Variants in MEGF9 observed in about 807,000 individuals in gnomAD.
MEGF9 encodes the protein multiple EGF like domains 9.
MEGF9 carries 6 observed loss-of-function variants against 46.8 expected under a neutral mutation model. That is an observed-to-expected ratio of 0.13 (90% CI 0.07 to 0.25). MEGF9 has a LOEUF of 0.25. Among genes scored for constraint, MEGF9 ranks in the 10% least tolerant of loss-of-function variants. MEGF9 has a pLI of 1.00. For missense variants in MEGF9, 683 were observed against 792.4 expected (o/e 0.86, Z 1.66); for synonymous variants, 302 against 330.7 (o/e 0.91, Z 0.94).
intron 1 of MEGF9, among the ~76,000 whole-genome samples, chr9:120,676,143 A>G (rs1380491839): frequency 6.6e-6 from 1 of 151,928 alleles, no homozygotes; most frequent in Non-Finnish European, 1.5e-5. Context: ...ACAATATTCA[A>G]TTTTCAGCCA....
At chr9:120,615,276 CGTGT>C (rs1056889652) in intron 3 of MEGF9, among the ~76,000 whole-genome samples, 2 of 145,638 alleles carry the variant, frequency 1.4e-5, no homozygotes, top group Non-Finnish European at 3.0e-5. Context: ...TATATGTAAG[CGTGT>C]GTGTGTGCAT....
At chr9:120,652,773 T>C (rs777501535) in intron 2 of MEGF9, among the ~76,000 whole-genome samples, 57 of 152,300 alleles carry the variant, frequency 3.7e-4, no homozygotes, top group South Asian at 8.3e-4. Flanking sequence ...TCTACTCTTC[T>C]AGCTTTTTGA....
chr9:120,614,293 T>A (rs1038000874), intron 3 of MEGF9, among the ~76,000 whole-genome samples: 1 of 152,064 alleles, frequency 6.6e-6, no homozygotes, highest in African/African-American at 2.4e-5. Flanking sequence ...TAAGTGTAAA[T>A]CTCAATTCTT....
At chr9:120,700,174 C>CT (rs1490867253) in intron 1 of MEGF9, among the ~76,000 whole-genome samples, 2 of 152,154 alleles carry the variant, frequency 1.3e-5, no homozygotes, top group African/African-American at 2.4e-5. Flanking sequence ...GTCTGGGAAA[C>CT]TGAGTCATAG....
chr9:120,707,992 C>T lies in MEGF9; in HGVS notation c.601+5766G>A, dbSNP rs10984989. Among the ~76,000 whole-genome samples the T allele has an allele frequency of 0.025, 3,877 of 152,120 alleles. 276 individuals carry two copies. In the East Asian group the frequency reaches 0.29, roughly 11 times the overall value. On this transcript the variant is annotated intron_variant, in intron 1 of 5. Coordinates refer to ENST00000373930, the MANE Select transcript of MEGF9 (RefSeq NM_001080497.3). ...CTTGGGAGGCGGAGGTTGCAGTGAG[C>T]CCAGACGGTGCCACTGCACTCCAGC... is the stretch of plus-strand genomic sequence containing the variant.
intron 4 of MEGF9, among the ~76,000 whole-genome samples, chr9:120,609,392 C>T (rs2043434587): frequency 1.3e-5 from 2 of 152,190 alleles, no homozygotes; most frequent in South Asian, 2.1e-4. Flanking sequence ...TTCCTTGATT[C>T]CCTCAGTTTA....
chr9:120,705,959 G>C (rs1282033756), intron 1 of MEGF9, among the ~76,000 whole-genome samples: 1 of 151,730 alleles, frequency 6.6e-6, no homozygotes, highest in East Asian at 1.9e-4. Context: ...GAAAAAGCAA[G>C]GATTAAAGCT....
rs78636445 is a variant in MEGF9, at chr9:120,651,179, T to C, written c.803+8195A>G. On this transcript the variant is annotated intron_variant, in intron 2 of 5. Coordinates refer to ENST00000373930, the MANE Select transcript of MEGF9 (RefSeq NM_001080497.3). The stretch of plus-strand genomic sequence containing the variant: ...AATTTCTACTACGCCAAAACTAGGA[T>C]TAGTCCTTACAAAGAAGAGTTATTA... 1.2e-4 allele frequency among the ~76,000 whole-genome samples: 18 copies of C among 152,342 alleles called. No individual in the cohort carries two copies. The East Asian group carries it at 3.5e-3, about 29-fold the overall frequency.
intron 1 of MEGF9, among the ~76,000 whole-genome samples, chr9:120,698,315 C>A (rs968791055): frequency 1.3e-5 from 2 of 152,176 alleles, no homozygotes; most frequent in East Asian, 3.8e-4. Context: ...TGGACAATGG[C>A]TGTTTTGGGG....
intron 1 of MEGF9, among the ~76,000 whole-genome samples, chr9:120,700,846 T>C (rs1453051743): frequency 9.2e-5 from 14 of 152,044 alleles, no homozygotes; most frequent in East Asian, 7.7e-4. Flanking sequence ...CTTGGGAGGC[T>C]GAGGTGGGCA....
At position 120,658,110 on chromosome 9, in the gene MEGF9, G is replaced by A. The variant is rs540692803; in HGVS notation, c.803+1264C>T. On this transcript the variant is annotated intron_variant, in intron 2 of 5. Transcript: ENST00000373930. ...ACCGATTCTCCTGCCTCAGCCTCCCGAGTAGCTGGGACTACAGGTGTGTGC... is the reference window on the plus strand; with the variant it reads ...ACCGATTCTCCTGCCTCAGCCTCCCAAGTAGCTGGGACTACAGGTGTGTGC... Among the ~76,000 whole-genome samples the A allele has an allele frequency of 5.3e-5, 8 of 151,830 alleles. No individual in the cohort carries two copies. In the South Asian group the frequency reaches 6.3e-4, roughly 12 times the overall value.
At position 120,714,466 on chromosome 9, in the gene MEGF9, CCTCT is replaced by C; in HGVS notation, c.-112_-109del. On this transcript the variant is annotated 5_prime_UTR_variant, in exon 1 of 6. Coordinates refer to ENST00000373930, the MANE Select transcript of MEGF9 (RefSeq NM_001080497.3). The stretch of plus-strand genomic sequence containing the variant: ...CCACCGGGCGCACCATCGCCACCTC[CCTCT>C]GACAGGCGGCCGGCCCCGCGGGCGG... 1 of 1,012,238 alleles carries C rather than the reference CCTCT, an allele frequency of 9.9e-7. No homozygotes were observed. Among genetic ancestry groups the C allele is most frequent in the East Asian group, 3.6e-5 (1 of 27,500 alleles). 62.7% of individuals were successfully genotyped at this position (1,012,238 alleles called of 1,614,324 possible).
In MEGF9 at chr9:120,661,130, C is replaced by G. The variant is rs114626489; in HGVS notation, c.602-1555G>C. Among the ~76,000 whole-genome samples the G allele has an allele frequency of 3.5e-3, 529 of 152,346 alleles. 6 individuals are homozygous for G. Among genetic ancestry groups the G allele is most frequent in the African/African-American group, 0.012 (506 of 41,574 alleles). On this transcript the variant is annotated intron_variant, in intron 1 of 5. Transcript: ENST00000373930. ...CAAAGAAATTCCCACTTGGCCAACT[C>G]TATACCTCCCACACTTCTGCAGTTC...
chr9:120,707,305 G>A (rs1351207157), intron 1 of MEGF9, among the ~76,000 whole-genome samples: 1 of 152,116 alleles, frequency 6.6e-6, no homozygotes, highest in African/African-American at 2.4e-5. Flanking sequence ...TAACTCACTT[G>A]GTGGCAAATA....
At chr9:120,675,905 A>AG (rs1289791259) in intron 1 of MEGF9, among the ~76,000 whole-genome samples, 1 of 151,380 alleles carries the variant, frequency 6.6e-6, no homozygotes, top group Non-Finnish European at 1.5e-5. Context: ...AAAAAAAAAA[A>AG]AAAAACAACC....
rs1303591028 is a variant in MEGF9 at position 120,631,459 on chromosome 9, C to G, written c.804-8704G>C. On this transcript the variant is annotated intron_variant, in intron 2 of 5. Transcript: ENST00000373930. ...GCTCAGAATTTGAGTATTTGAGGTCCCCTGTGGTTCCATATGAATTTGATT... is the reference window on the plus strand; with the variant it reads ...GCTCAGAATTTGAGTATTTGAGGTCGCCTGTGGTTCCATATGAATTTGATT... Among the ~76,000 whole-genome samples the G allele has an allele frequency of 3.3e-5, 5 of 150,900 alleles. No individual in the cohort carries two copies. In the East Asian group the frequency reaches 7.8e-4, roughly 23 times the overall value.
chr9:120,613,165 G>A (rs1170063141), intron 3 of MEGF9, among the ~76,000 whole-genome samples: 3 of 152,048 alleles, frequency 2.0e-5, no homozygotes, highest in Non-Finnish European at 4.4e-5. Context: ...AAGAATGTTG[G>A]TTGAAAAGCA....
chr9:120,704,333 C>CAA (rs200388073), intron 1 of MEGF9, among the ~76,000 whole-genome samples: 5 of 122,558 alleles, frequency 4.1e-5, no homozygotes, highest in Admixed American at 8.8e-5. Flanking sequence ...GACTGTGTCT[C>CAA]AAAAAAAAAA....
At chr9:120,685,277 A>T (rs1397348204) in intron 1 of MEGF9, among the ~76,000 whole-genome samples, 1 of 152,228 alleles carries the variant, frequency 6.6e-6, no homozygotes, top group Non-Finnish European at 1.5e-5. Flanking sequence ...TTACATCAAC[A>T]TCATACTCTT....
Sources: allele counts gnomAD v4.1 joint callset (sites outside exome capture counted in the v4.1 genomes callset), GRCh38; gene constraint gnomAD v4.1.1; transcripts MANE v1.5; gene names NCBI Gene and HGNC (gene_info 2026-07-23, HGNC 2026-07-21).